DHRS4: variants seen among roughly 807,000 people sequenced by gnomAD.
The protein encoded by DHRS4 is dehydrogenase/reductase 4, also known as dehydrogenase/reductase SDR family member 4.
In DHRS4, 20 loss-of-function variants were observed where a neutral mutation model predicts 28.4. The observed-to-expected ratio is 0.71, with a 90% CI of 0.50 to 1.02. The LOEUF (loss-of-function observed/expected upper bound fraction) is 1.02. Ranked by LOEUF, DHRS4 falls within the 50% of genes least tolerant of loss-of-function variation. The probability of loss-of-function intolerance (pLI) is 0.00; values close to 1 mark genes in which losing one functional copy is unlikely to be tolerated. For missense variants in DHRS4, 378 were observed against 367.2 expected (o/e 1.03, Z -0.24); for synonymous variants, 144 against 146.4 (o/e 0.98, Z 0.12).
chr14:23,965,071 A>G (rs1267980159), intron 3 of DHRS4, among the ~76,000 whole-genome samples: 3 of 151,784 alleles, frequency 2.0e-5, no homozygotes, highest in Non-Finnish European at 4.4e-5. Flanking sequence ...GGATATCTAG[A>G]CATTCATTGT....
At position 23,964,386 on chromosome 14, in the gene DHRS4, A is replaced by AAC. The variant is rs1235962482; in HGVS notation, c.409-1364_409-1363dup. 3.4e-3 allele frequency among the ~76,000 whole-genome samples: 512 copies of AAC among 148,450 alleles called. 7 individuals are homozygous for AAC. Among genetic ancestry groups the AAC allele is most frequent in the African/African-American group, 0.012 (493 of 40,360 alleles). On this transcript the variant is annotated intron_variant, in intron 3 of 7. Coordinates refer to ENST00000313250, the MANE Select transcript of DHRS4 (RefSeq NM_021004.4). ...CTTGATTGAACTCTGGACTTTAAAA[A>AAC]ACACACACACACATTTGGGGGATAA...
Position 23,968,869 on chromosome 14 carries a change from T to C in DHRS4, c.835T>C (p.Ter279ArgextTer13), listed in dbSNP as rs1406059913. The C allele has an allele frequency of 6.8e-6, 11 of 1,607,316 alleles. No individual in the cohort carries two copies. Among genetic ancestry groups the C allele is most frequent in the Non-Finnish European group, 9.3e-6 (11 of 1,177,056 alleles). The change falls in exon 8 of 8, where the codon TGA becomes CGA. Residue 279 changes from the stop codon to arginine, a stop_lost. Coordinates refer to ENST00000313250, the MANE Select transcript of DHRS4 (RefSeq NM_021004.4). ...VVGGGTPSRL[*>R] The stretch of plus-strand genomic sequence containing the variant: ...GGGTGGAGGAACCCCGTCCCGCCTC[T>C]GAGGACCGGGAGACAGCCCACAGGC...
intron 2 of DHRS4, among the ~76,000 whole-genome samples, chr14:23,956,218 C>G (rs2984817): frequency 0.2 from 30,874 of 152,170 alleles, 7,724 homozygotes; most frequent in African/African-American, 0.6. Context: ...GATGGACAGA[C>G]CCCAAGATTG....
chr14:23,959,312 C>A (rs144326373), intron 2 of DHRS4, among the ~76,000 whole-genome samples: 2 of 152,198 alleles, frequency 1.3e-5, no homozygotes, highest in African/African-American at 2.4e-5. Flanking sequence ...GCCTGTAACA[C>A]TTTAGGATAC....
intron 2 of DHRS4, among the ~76,000 whole-genome samples, chr14:23,959,647 C>T (rs1051632191): frequency 9.9e-5 from 15 of 151,582 alleles, no homozygotes; most frequent in South Asian, 2.1e-4. Flanking sequence ...GTTATTTTGA[C>T]GATAGTTCCT....
chr14:23,964,773 G>A (rs1351559897), intron 3 of DHRS4, among the ~76,000 whole-genome samples: 1 of 144,300 alleles, frequency 6.9e-6, no homozygotes, highest in African/African-American at 2.5e-5. Context: ...GACGAGGTTT[G>A]CCATGTTGCC....
At chr14:23,957,137 G>A (rs894553222) in intron 2 of DHRS4, among the ~76,000 whole-genome samples, 2 of 152,136 alleles carry the variant, frequency 1.3e-5, no homozygotes, top group Non-Finnish European at 2.9e-5. Context: ...GTGGCGGTGG[G>A]ACTGGAATAG....
At position 23,968,875 on chromosome 14, in the gene DHRS4, C is replaced by A. The variant is rs756576495; in HGVS notation, c.*4C>A. ...AGGAACCCCGTCCCGCCTCTGAGGA[C>A]CGGGAGACAGCCCACAGGCCAGAGT... On this transcript the variant is annotated 3_prime_UTR_variant, in exon 8 of 8. Transcript: ENST00000313250. 2.9e-5 allele frequency: 46 copies of A among 1,606,394 alleles called. 2 individuals are homozygous for A. The highest frequency in any genetic ancestry group is 8.5e-6 in the Non-Finnish European group (10 of 1,176,724).
At chr14:23,957,330 G>A (rs940017106) in intron 2 of DHRS4, among the ~76,000 whole-genome samples, 6 of 152,172 alleles carry the variant, frequency 3.9e-5, no homozygotes, top group African/African-American at 1.2e-4. Context: ...ATGTTACCCT[G>A]CAATGAGAAA....
chr14:23,966,204 C>T, intron 5 of DHRS4, 79 bp from the exon 6 acceptor site: 2 of 1,580,098 alleles, frequency 1.3e-6, no homozygotes, highest in South Asian at 1.2e-5. Flanking sequence ...CCCTATTGAG[C>T]ACTGCCCTCT....
rs2033609431 is a variant in DHRS4, at chr14:23,966,173, T to A, written c.532-110T>A. On this transcript the variant is annotated intron_variant, in intron 5 of 7. Transcript: ENST00000313250. Reference sequence around the variant, plus strand: ...TAGCCACAAGACAGTTCCCTAACTCTGCCCCTCCCTTACAGGAGATCCCTA... The same window carrying A: ...TAGCCACAAGACAGTTCCCTAACTCAGCCCCTCCCTTACAGGAGATCCCTA... 6.4e-6 allele frequency: 10 copies of A among 1,574,620 alleles called. No individual in the cohort carries two copies. The African/African-American group carries it at 8.1e-5, about 13-fold the overall frequency.
intron 7 of DHRS4, among the ~76,000 whole-genome samples, chr14:23,968,407 T>C (rs1482291633): frequency 1.3e-5 from 2 of 150,794 alleles, no homozygotes; most frequent in Non-Finnish European, 2.9e-5. Flanking sequence ...GACTCCCTGA[T>C]ACTTTAGTGT....
Position 23,955,038 on chromosome 14 carries a change from C to T in DHRS4, c.132C>T (p.Ile44=), listed in dbSNP as rs146373042. ...VALVTASTDG[I]GFAIARRLAQ... Reference sequence around the variant, plus strand: ...CTTTGTCTCTTTCTGCTCACAGGATCGGCTTCGCCATCGCCCGGCGTTTGG... The same window carrying T: ...CTTTGTCTCTTTCTGCTCACAGGATTGGCTTCGCCATCGCCCGGCGTTTGG... Residue 44 remains isoleucine, a synonymous_variant, in exon 2 of 8, where the codon ATC becomes ATT. Coordinates refer to ENST00000313250, the MANE Select transcript of DHRS4 (RefSeq NM_021004.4). The T allele has an allele frequency of 7.4e-5, 119 of 1,614,050 alleles. No homozygotes were observed. The highest frequency in any genetic ancestry group is 1.0e-4 in the Admixed American group (6 of 59,998).
At chr14:23,954,920 G>A (rs754976645) in intron 1 of DHRS4, 115 bp from the exon 2 acceptor site, 19 of 1,536,136 alleles carry the variant, frequency 1.2e-5, no homozygotes, top group Non-Finnish European at 1.6e-5. Context: ...ACACGTAGGG[G>A]TTATATAGAG....
At chr14:23,964,249 A>C (rs868789595) in intron 3 of DHRS4, among the ~76,000 whole-genome samples, 7 of 136,378 alleles carry the variant, frequency 5.1e-5, no homozygotes, top group Admixed American at 2.2e-4. Context: ...AAAAAAAAAA[A>C]AAAAACACAA....
rs906759444 is a variant in DHRS4, at chr14:23,968,700, T to C, written c.723-57T>C. The C allele has an allele frequency of 8.8e-6, 14 of 1,592,726 alleles. No homozygotes were observed. In the African/African-American group the frequency reaches 1.6e-4, roughly 18 times the overall value. The stretch of plus-strand genomic sequence containing the variant: ...CAAATTTAACTCCCTGTGTCCCAGG[T>C]GAGGGAGGCAGAACTGTTTGATTTT... On this transcript the variant is annotated intron_variant, in intron 7 of 7. Transcript: ENST00000313250.
intron 3 of DHRS4, among the ~76,000 whole-genome samples, 161 bp downstream of exon 3, chr14:23,960,164 G>A (rs1390970091): frequency 2.0e-5 from 3 of 151,928 alleles, no homozygotes; most frequent in Non-Finnish European, 4.4e-5. Flanking sequence ...AGGGCGGGTG[G>A]GGGTGGCTCT....
intron 2 of DHRS4, among the ~76,000 whole-genome samples, chr14:23,955,744 A>C (rs912036513): frequency 1.3e-5 from 2 of 152,202 alleles, no homozygotes; most frequent in African/African-American, 4.8e-5. Context: ...TCCCACAGCC[A>C]GTAAGGAAAG....
intron 2 of DHRS4, among the ~76,000 whole-genome samples, chr14:23,958,957 A>C (rs151203525): frequency 1.3e-5 from 2 of 152,200 alleles, no homozygotes; most frequent in African/African-American, 4.8e-5. Context: ...CCTTAAGGAC[A>C]CTGGAATAGA....
Sources: gnomAD v4.1 joint callset for allele counts (sites outside exome capture counted in the v4.1 genomes callset) on GRCh38, gnomAD v4.1.1 for gene constraint, MANE v1.5 for transcripts, NCBI Gene and HGNC (gene_info 2026-07-23, HGNC 2026-07-21) for gene names.